STX17: variants seen among roughly 807,000 people sequenced by gnomAD.
STX17 encodes the protein syntaxin 17.
Under a neutral mutation model 35.9 loss-of-function variants are expected in STX17, and 29 were observed. The ratio of observed to expected loss-of-function variants is 0.81; its 90% confidence interval spans 0.60 to 1.10. The LOEUF is 1.10. Ranked by LOEUF, STX17 falls within the 50% of genes least tolerant of loss-of-function variation. The pLI, the probability that STX17 is intolerant of heterozygous loss-of-function variation, is 0.00. For missense variants in STX17, 312 were observed against 352.3 expected (o/e 0.89, Z 0.92); for synonymous variants, 92 against 118.3 (o/e 0.78, Z 1.44).
intron 1 of STX17, chr9:99,907,269 CTT>C (rs1291060485): frequency 6.6e-6 from 1 of 152,226 alleles, no homozygotes; most frequent in Non-Finnish European, 1.5e-5. Flanking sequence ...AGAGAGGAGA[CTT>C]TACTTTGACT....
In STX17 at chr9:99,918,218, C is replaced by T. The variant is rs186670621; in HGVS notation, c.123+2856C>T. On this transcript the variant is annotated intron_variant, in intron 2 of 7. Transcript: ENST00000259400. ...AATCATAGCTCACTGTAATGTTAAA[C>T]TCCTAAGTTAAAGCAATCCTCCTGT... 2.6e-5 allele frequency among the ~76,000 whole-genome samples: 4 copies of T among 152,310 alleles called. No homozygotes were observed. The East Asian group carries it at 7.7e-4, about 29-fold the overall frequency.
Position 99,915,327 on chromosome 9 carries a change from G to C in STX17, c.88G>C (p.Glu30Gln). The C allele has an allele frequency of 6.2e-7, 1 of 1,609,840 alleles. No individual in the cohort carries two copies. Among genetic ancestry groups the C allele is most frequent in the Non-Finnish European group, 8.5e-7 (1 of 1,178,262 alleles). The part of the protein sequence containing the change: ...FIKIVIPTDL[E>Q]RLRKHQINIE... Reference sequence around the variant, plus strand: ...TAAGATAGTAATCCCAACAGACCTGGAAAGGTTAAGAAAGCACCAGATAAA... The same window carrying C: ...TAAGATAGTAATCCCAACAGACCTGCAAAGGTTAAGAAAGCACCAGATAAA... Residue 30 changes from glutamate (E) to glutamine (Q), a missense_variant, in exon 2 of 8, where the codon GAA (glutamate) becomes CAA (glutamine). By Grantham distance (29) the Glu-to-Gln change is conservative. Coordinates refer to ENST00000259400, the MANE Select transcript of STX17 (RefSeq NM_017919.3).
chr9:99,954,004 G>GGAA (rs1829658805), intron 4 of STX17: 1 of 151,734 alleles, frequency 6.6e-6, no homozygotes, highest in Non-Finnish European at 1.5e-5. Flanking sequence ...GAAGCTGATT[G>GGAA]GTATATAAAA....
rs749303630 is a variant in STX17, at chr9:99,968,690, T to C, written c.*17T>C. On this transcript the variant is annotated 3_prime_UTR_variant, in exon 8 of 8. Transcript: ENST00000259400. ...TGCAGTTAAAAACCAAATTTCAGTATTATTGGTGCCAACATGTCTATCCTG... is the reference window on the plus strand; with the variant it reads ...TGCAGTTAAAAACCAAATTTCAGTACTATTGGTGCCAACATGTCTATCCTG... 11 of 1,607,794 alleles carry C rather than the reference T, an allele frequency of 6.8e-6. No individual in the cohort carries two copies. The highest frequency in any genetic ancestry group is 9.3e-6 in the Non-Finnish European group (11 of 1,176,784).
intron 1 of STX17, among the ~76,000 whole-genome samples, chr9:99,914,853 A>G (rs551043560): frequency 6.6e-6 from 1 of 152,290 alleles, no homozygotes; most frequent in Non-Finnish European, 1.5e-5. Context: ...ATACATACCT[A>G]CTTACATAGA....
At chr9:99,908,305 C>T (rs1828591542) in intron 1 of STX17, among the ~76,000 whole-genome samples, 1 of 152,164 alleles carries the variant, frequency 6.6e-6, no homozygotes, top group African/African-American at 2.4e-5. Flanking sequence ...TCAGACTTTC[C>T]CTTGCTAAAT....
At chr9:99,930,678 T>C (rs2118381329) in intron 3 of STX17, among the ~76,000 whole-genome samples, 1 of 152,358 alleles carries the variant, frequency 6.6e-6, no homozygotes, top group East Asian at 1.9e-4. Context: ...CTTAGCTGCT[T>C]TTCTGTGTTT....
chr9:99,920,429 G>A (rs1330878496), intron 2 of STX17, among the ~76,000 whole-genome samples: 1 of 152,176 alleles, frequency 6.6e-6, no homozygotes, highest in Non-Finnish European at 1.5e-5. Flanking sequence ...AAGTAGTAAA[G>A]CAGCAACATA....
At chr9:99,912,399 G>C (rs912185476) in intron 1 of STX17, among the ~76,000 whole-genome samples, 4 of 151,466 alleles carry the variant, frequency 2.6e-5, no homozygotes, top group Non-Finnish European at 5.9e-5. Context: ...ATACCTTTTG[G>C]TCATTTGTAT....
At chr9:99,952,919 C>T (rs1242083397) in intron 4 of STX17, among the ~76,000 whole-genome samples, 1 of 151,536 alleles carries the variant, frequency 6.6e-6, no homozygotes, top group Non-Finnish European at 1.5e-5. Flanking sequence ...AGGAGATATA[C>T]CTAAGCTAAA....
chr9:99,940,811 T>C (rs1829342768), intron 3 of STX17, among the ~76,000 whole-genome samples: 2 of 152,196 alleles, frequency 1.3e-5, no homozygotes, highest in African/African-American at 4.8e-5. Flanking sequence ...ACTTTATCTC[T>C]TTTGCAAAAA....
chr9:99,924,142 A>C (rs1384961067), intron 2 of STX17, among the ~76,000 whole-genome samples: 1 of 152,216 alleles, frequency 6.6e-6, no homozygotes, highest in African/African-American at 2.4e-5. Flanking sequence ...TGGCCTCTCC[A>C]TGTAACATTT....
At chr9:99,918,866 C>T (rs1338989739) in intron 2 of STX17, among the ~76,000 whole-genome samples, 3 of 151,890 alleles carry the variant, frequency 2.0e-5, no homozygotes, top group South Asian at 2.1e-4. Flanking sequence ...TTTTCAAAGG[C>T]GATAGTTGTG....
At chr9:99,948,913 T>A (rs540480834) in intron 3 of STX17, among the ~76,000 whole-genome samples, 6 of 152,096 alleles carry the variant, frequency 3.9e-5, no homozygotes, top group Non-Finnish European at 8.8e-5. Context: ...TAGAAAATTT[T>A]TAATGCTTCT....
intron 2 of STX17, among the ~76,000 whole-genome samples, chr9:99,928,524 C>A (rs1455674579): frequency 6.6e-6 from 1 of 151,988 alleles, no homozygotes; most frequent in Non-Finnish European, 1.5e-5. Flanking sequence ...AATACATACT[C>A]TTTTTCAGTA....
Position 99,953,226 on chromosome 9 carries a change from C to T in STX17, c.415+1941C>T, listed in dbSNP as rs114102717. ...AAGCTTTTGGAAGAAACATTTAGGC[C>T]ACTAGTCAGAGTTTCTGGGTAATCT... On this transcript the variant is annotated intron_variant, in intron 4 of 7. Coordinates refer to ENST00000259400, the MANE Select transcript of STX17 (RefSeq NM_017919.3). Among the ~76,000 whole-genome samples the T allele has an allele frequency of 2.2e-3, 329 of 152,002 alleles. 1 individual carries two copies. The highest frequency in any genetic ancestry group is 7.5e-3 in the African/African-American group (311 of 41,484).
intron 6 of STX17, among the ~76,000 whole-genome samples, chr9:99,962,944 T>C (rs1268969782): frequency 6.6e-6 from 1 of 152,184 alleles, no homozygotes; most frequent in African/African-American, 2.4e-5. Context: ...ATGGACATGA[T>C]AGTGTCTAGA....
intron 3 of STX17, among the ~76,000 whole-genome samples, chr9:99,943,786 ATCT>A (rs1269794917): frequency 7.9e-5 from 12 of 152,030 alleles, no homozygotes; most frequent in Non-Finnish European, 1.3e-4. Flanking sequence ...TTTATTCTTA[ATCT>A]TCTTAAGTTT....
intron 2 of STX17, among the ~76,000 whole-genome samples, chr9:99,916,560 G>C (rs1032293825): frequency 6.6e-6 from 1 of 151,938 alleles, no homozygotes; most frequent in African/African-American, 2.4e-5. Flanking sequence ...AGTCAGAAAA[G>C]TGTACCTTTT....
Sources: allele counts gnomAD v4.1 joint callset (sites outside exome capture counted in the v4.1 genomes callset), GRCh38; gene constraint gnomAD v4.1.1; transcripts MANE v1.5; gene names NCBI Gene and HGNC (gene_info 2026-07-23, HGNC 2026-07-21).